The following CCDC62 variants were observed in gnomAD, a reference collection of about 807,000 sequenced individuals.
The protein encoded by CCDC62 is coiled-coil domain containing 62.
In CCDC62, 72 loss-of-function variants were observed where a neutral mutation model predicts 80.8. That is an observed-to-expected ratio of 0.89 (90% confidence interval 0.74 to 1.08). The LOEUF (loss-of-function observed/expected upper bound fraction) is 1.08. Among genes scored for constraint, CCDC62 ranks in the 50% least tolerant of loss-of-function variants. The pLI is 0.00. For missense variants in CCDC62, 704 were observed against 809.4 expected (o/e 0.87, Z 1.58); for synonymous variants, 286 against 296.5 (o/e 0.96, Z 0.36).
At chr12:122,796,316 A>T (rs2030956342) in intron 6 of CCDC62, among the ~76,000 whole-genome samples, 1 of 149,618 alleles carries the variant, frequency 6.7e-6, no homozygotes, top group Admixed American at 6.8e-5. Context: ...GTATTTATTT[A>T]TTTTTTTTAA....
At chr12:122,812,213 C>T (rs1029561211) in intron 10 of CCDC62, among the ~76,000 whole-genome samples, 2 of 151,908 alleles carry the variant, frequency 1.3e-5, no homozygotes, top group Non-Finnish European at 2.9e-5. Flanking sequence ...GAGTTCGAGG[C>T]GGATGGATCA....
At chr12:122,805,601 G>T (rs1287050236) in intron 9 of CCDC62, among the ~76,000 whole-genome samples, 20 of 140,650 alleles carry the variant, frequency 1.4e-4, no homozygotes, top group African/African-American at 5.1e-4. Context: ...TGCAAGCTCT[G>T]CCTCCCGGGT....
chr12:122,818,206 A>G (rs2032248172), intron 11 of CCDC62, among the ~76,000 whole-genome samples: 1 of 152,002 alleles, frequency 6.6e-6, no homozygotes, highest in Non-Finnish European at 1.5e-5. Flanking sequence ...TAATCCCAGC[A>G]CTTTGGGAGG....
At chr12:122,821,304 A>G (rs1438539387) in intron 11 of CCDC62, among the ~76,000 whole-genome samples, 1 of 152,186 alleles carries the variant, frequency 6.6e-6, no homozygotes, top group East Asian at 1.9e-4. Context: ...TGTAACACAC[A>G]TGGTGAAGCA....
At position 122,793,003 on chromosome 12, in the gene CCDC62, T is replaced by A. The variant is rs555582644; in HGVS notation, c.772+882T>A. Among the ~76,000 whole-genome samples, 15 of 152,264 alleles carry A rather than the reference T, an allele frequency of 9.9e-5. 1 individual carries two copies. The South Asian group carries it at 3.1e-3, about 32-fold the overall frequency. ...CATAGATGCTCCTTGACTTACAGGG[T>A]TACATTCTGATAAACCCCTCGCAAG... On this transcript the variant is annotated intron_variant, in intron 6 of 12. Coordinates refer to ENST00000253079, the MANE Select transcript of CCDC62 (RefSeq NM_201435.5).
At chr12:122,789,368 G>T (rs1313872218) in intron 5 of CCDC62, among the ~76,000 whole-genome samples, 1 of 152,200 alleles carries the variant, frequency 6.6e-6, no homozygotes, top group African/African-American at 2.4e-5. Context: ...TATCAGGCTA[G>T]CCTGGGCATT....
At chr12:122,786,981 A>G (rs958222412) in intron 4 of CCDC62, among the ~76,000 whole-genome samples, 1 of 152,164 alleles carries the variant, frequency 6.6e-6, no homozygotes, top group African/African-American at 2.4e-5. Flanking sequence ...ATTAAATTAA[A>G]GAGAAAATAT....
chr12:122,779,124 G>A (rs1054216680), intron 2 of CCDC62, among the ~76,000 whole-genome samples: 6 of 152,162 alleles, frequency 3.9e-5, no homozygotes, highest in Admixed American at 3.3e-4. Flanking sequence ...AAATGAGCAA[G>A]ATTTGAATAG....
chr12:122,812,756 G>GAGA (rs2031960150), intron 10 of CCDC62, among the ~76,000 whole-genome samples: 1 of 88,792 alleles, frequency 1.1e-5, no homozygotes, highest in African/African-American at 4.6e-5. Flanking sequence ...AGAGAGGGAG[G>GAGA]GAGAGAGAGA....
intron 10 of CCDC62, among the ~76,000 whole-genome samples, chr12:122,808,287 A>C (rs1408157143): frequency 6.6e-6 from 1 of 152,144 alleles, no homozygotes. Context: ...ACAGAGCGAG[A>C]TTCAATCTCA....
chr12:122,788,630 A>G, intron 4 of CCDC62, 128 bp from the exon 5 acceptor site: 1 of 611,770 alleles, frequency 1.6e-6, no homozygotes, highest in Non-Finnish European at 2.8e-6. Flanking sequence ...GTAAAGATTA[A>G]ATGAATTCAT....
intron 8 of CCDC62, among the ~76,000 whole-genome samples, chr12:122,798,952 C>T (rs1037721225): frequency 4.1e-5 from 6 of 146,996 alleles, no homozygotes; most frequent in Non-Finnish European, 7.5e-5. Context: ...TGGTGGCAGG[C>T]GCCTGTAGTC....
chr12:122,808,164 G>T (rs1054508069), intron 10 of CCDC62, among the ~76,000 whole-genome samples: 2 of 152,144 alleles, frequency 1.3e-5, no homozygotes, highest in African/African-American at 2.4e-5. Flanking sequence ...TGGTGTGCTG[G>T]TGTGTGCCTG....
intron 11 of CCDC62, among the ~76,000 whole-genome samples, chr12:122,817,781 T>G (rs1420859300): frequency 1.3e-5 from 2 of 152,038 alleles, no homozygotes; most frequent in Non-Finnish European, 2.9e-5. Context: ...AGTGTAGCTC[T>G]GTGTGTGTGT....
intron 12 of CCDC62, among the ~76,000 whole-genome samples, chr12:122,823,720 A>AAG (rs1555259768): frequency 2.7e-5 from 4 of 148,676 alleles, no homozygotes; most frequent in African/African-American, 7.5e-5. Context: ...AAAAAAAAAA[A>AAG]GGCCGGGCGT....
intron 6 of CCDC62, among the ~76,000 whole-genome samples, chr12:122,794,799 G>A (rs2030835583): frequency 6.6e-6 from 1 of 152,122 alleles, no homozygotes; most frequent in African/African-American, 2.4e-5. Context: ...TGGGACTACA[G>A]GCATGTGTCA....
chr12:122,778,563 T>G lies in CCDC62; in HGVS notation c.229+880T>G, dbSNP rs149994728. On this transcript the variant is annotated intron_variant, in intron 2 of 12. Transcript: ENST00000253079. ...TTTTTACTTAACATTACTCAAAGGA[T>G]TCTGTAAATGTGACAATCCAAATCT... Among the ~76,000 whole-genome samples, 549 of 152,174 alleles carry G rather than the reference T, an allele frequency of 3.6e-3. 4 individuals carry two copies. The highest frequency in any genetic ancestry group is 0.012 in the African/African-American group (507 of 41,536).
Position 122,785,708 on chromosome 12 carries a change from T to C in CCDC62, c.397-11T>C. ...GACTCAAGCAGTATCATCTGTGTTG[T>C]TTTCTTGTAGGCTAGAAACGAAACT... On this transcript the variant is annotated splice_polypyrimidine_tract_variant and intron_variant, in intron 3 of 12. Transcript: ENST00000253079. 1 of 1,592,124 alleles carries C rather than the reference T, an allele frequency of 6.3e-7. No individual in the cohort carries two copies. Among genetic ancestry groups the C allele is most frequent in the East Asian group, 2.2e-5 (1 of 44,792 alleles).
intron 8 of CCDC62, 49 bp downstream of exon 8, chr12:122,798,249 A>G: frequency 1.1e-6 from 1 of 930,052 alleles, no homozygotes; most frequent in Admixed American, 1.8e-5. Context: ...ATATTCCATC[A>G]GCCAGTATTT....
Sources: allele counts gnomAD v4.1 joint callset (sites outside exome capture counted in the v4.1 genomes callset), GRCh38; gene constraint gnomAD v4.1.1; transcripts MANE v1.5; gene names NCBI Gene and HGNC (gene_info 2026-07-23, HGNC 2026-07-21).